The following KIAA1217 variants were observed in gnomAD, a reference collection of about 807,000 sequenced individuals.
KIAA1217 encodes sickle tail protein homolog.
Under a neutral mutation model 163.9 loss-of-function variants are expected in KIAA1217, and 88 were observed. The observed-to-expected ratio is 0.54, with a 90% CI of 0.45 to 0.64. The LOEUF is 0.64. Ranked by LOEUF, KIAA1217 falls within the 30% of genes least tolerant of loss-of-function variation. The pLI is 0.00. For missense variants in KIAA1217, 2,372 were observed against 2,475.0 expected, an observed-to-expected ratio of 0.96 and a Z score of 0.88; for synonymous variants, 903 against 923.1, an observed-to-expected ratio of 0.98 and a Z score of 0.39.
At chr10:23,740,604 C>G (rs1218659920) in intron 1 of KIAA1217, among the ~76,000 whole-genome samples, 1 of 152,082 alleles carries the variant, frequency 6.6e-6, no homozygotes, top group Non-Finnish European at 1.5e-5. Context: ...AAACAGTCCT[C>G]CCATCTTGGC....
chr10:23,991,371 A>G (rs1589197511), intron 1 of KIAA1217, among the ~76,000 whole-genome samples: 1 of 152,180 alleles, frequency 6.6e-6, no homozygotes, highest in South Asian at 2.1e-4. Flanking sequence ...GCACTCAGAT[A>G]TGCATAGCCC....
At chr10:23,864,178 G>A (rs1840078550) in intron 1 of KIAA1217, among the ~76,000 whole-genome samples, 3 of 151,584 alleles carry the variant, frequency 2.0e-5, no homozygotes, top group African/African-American at 4.8e-5. Context: ...AGTAGAGCTG[G>A]GATTTGAGCC....
intron 6 of KIAA1217, among the ~76,000 whole-genome samples, chr10:24,491,444 C>T (rs2066134944): frequency 6.6e-6 from 1 of 151,926 alleles, no homozygotes; most frequent in Admixed American, 6.6e-5. Flanking sequence ...CATGTGCCAC[C>T]ACACCCAGCT....
chr10:24,274,733 A>T (rs1051532994), intron 2 of KIAA1217, among the ~76,000 whole-genome samples: 1 of 152,082 alleles, frequency 6.6e-6, no homozygotes, highest in Non-Finnish European at 1.5e-5. Flanking sequence ...TCCTTATTTT[A>T]CCTGTGTTTT....
At chr10:24,361,996 AAAAAAAAAG>A (rs1226276420) in intron 2 of KIAA1217, among the ~76,000 whole-genome samples, 3 of 151,762 alleles carry the variant, frequency 2.0e-5, no homozygotes, top group Non-Finnish European at 4.4e-5. Context: ...AAAAAAAAAA[AAAAAAAAAG>A]AAAGAAAGAA....
chr10:24,323,861 T>C (rs1244341809), intron 2 of KIAA1217, among the ~76,000 whole-genome samples: 2 of 151,724 alleles, frequency 1.3e-5, no homozygotes, highest in Non-Finnish European at 2.9e-5. Flanking sequence ...TTTTTTTTCG[T>C]ATTTCTTCTT....
intron 3 of KIAA1217, among the ~76,000 whole-genome samples, chr10:24,409,158 A>G (rs1366597051): frequency 6.6e-6 from 1 of 152,174 alleles, no homozygotes; most frequent in East Asian, 1.9e-4. Context: ...TACACCTACA[A>G]AGATTGGCTC....
At chr10:24,280,814 A>T (rs940133708) in intron 2 of KIAA1217, among the ~76,000 whole-genome samples, 5 of 151,824 alleles carry the variant, frequency 3.3e-5, no homozygotes, top group Admixed American at 2.0e-4. Context: ...CGTCTCAAAA[A>T]AAAAAAAAAA....
At chr10:24,486,776 A>C (rs1053991004) in intron 6 of KIAA1217, among the ~76,000 whole-genome samples, 1 of 151,964 alleles carries the variant, frequency 6.6e-6, no homozygotes, top group Non-Finnish European at 1.5e-5. Flanking sequence ...TCTTCTTTCT[A>C]TCTCTCTTCC....
intron 2 of KIAA1217, among the ~76,000 whole-genome samples, chr10:24,145,207 G>T (rs370920152): frequency 1.3e-5 from 2 of 152,110 alleles, no homozygotes; most frequent in Non-Finnish European, 2.9e-5. Flanking sequence ...CATTTCCCGC[G>T]GTCACACAAA....
intron 5 of KIAA1217, among the ~76,000 whole-genome samples, chr10:24,448,116 G>C (rs1376149793): frequency 1.3e-5 from 2 of 151,972 alleles, no homozygotes; most frequent in Admixed American, 1.3e-4. Context: ...GTGACAGAGT[G>C]AGTCTCCACC....
At position 24,233,994 on chromosome 10, in the gene KIAA1217, T is replaced by G. The variant is rs540855728; in HGVS notation, c.354+14085T>G. Among the ~76,000 whole-genome samples, 3 of 152,296 alleles carry G rather than the reference T, an allele frequency of 2.0e-5. No homozygotes were observed. In the East Asian group the frequency reaches 5.8e-4, roughly 29 times the overall value. ...ATTACCAGATGACCTCTTCATTCTG[T>G]TTAGTGTCTGTTAACTTTTTAAAAA... is the stretch of plus-strand genomic sequence containing the variant. On this transcript the variant is annotated intron_variant, in intron 2 of 20. Coordinates refer to ENST00000376454, the MANE Select transcript of KIAA1217 (RefSeq NM_019590.5).
At chr10:24,211,361 CTTTTTTTTTTTTTTT>C (rs1201397959) in intron 1 of KIAA1217, among the ~76,000 whole-genome samples, 1 of 60,208 alleles carries the variant, frequency 1.7e-5, no homozygotes, top group African/African-American at 6.5e-5. Flanking sequence ...GGTGGGACTA[CTTTTTTTTTTTTTTT>C]TTTTTTTTTT....
chr10:24,431,007 G>T lies in KIAA1217; in HGVS notation c.554-1988G>T, dbSNP rs191129027. On this transcript the variant is annotated intron_variant, in intron 3 of 20. Transcript: ENST00000376454. ...GCATTTCTACCTTCAGAAGGGTTGG[G>T]AGCCTCATTTCCTGAGTTTCCCTGG... Among the ~76,000 whole-genome samples, 617 of 152,302 alleles carry T rather than the reference G, an allele frequency of 4.1e-3. 7 individuals carry two copies. The highest frequency in any genetic ancestry group is 0.014 in the African/African-American group (593 of 41,576).
At chr10:24,528,932 A>C (rs1436867820) in intron 14 of KIAA1217, among the ~76,000 whole-genome samples, 1 of 152,202 alleles carries the variant, frequency 6.6e-6, no homozygotes, top group African/African-American at 2.4e-5. Context: ...AAATGCCAAC[A>C]TGTGAATAAT....
chr10:24,216,525 C>T (rs1309582733), intron 1 of KIAA1217, among the ~76,000 whole-genome samples: 1 of 151,972 alleles, frequency 6.6e-6, no homozygotes, highest in Non-Finnish European at 1.5e-5. Context: ...CTTCCAATTC[C>T]ACTTAAAAGT....
intron 5 of KIAA1217, among the ~76,000 whole-genome samples, chr10:24,458,398 T>G (rs2062023347): frequency 6.6e-6 from 1 of 152,178 alleles, no homozygotes; most frequent in South Asian, 2.1e-4. Flanking sequence ...AACATGAACA[T>G]GGCTTGGTCT....
intron 2 of KIAA1217, among the ~76,000 whole-genome samples, chr10:24,180,450 C>A (rs763627220): frequency 1.3e-4 from 20 of 151,928 alleles, no homozygotes; most frequent in Non-Finnish European, 2.5e-4. Flanking sequence ...CTATACCTGG[C>A]TAGTTTTTAT....
intron 2 of KIAA1217, among the ~76,000 whole-genome samples, chr10:24,106,473 CCTA>C (rs1297250053): frequency 1.3e-5 from 2 of 151,516 alleles, no homozygotes; most frequent in Non-Finnish European, 2.9e-5. Flanking sequence ...TCCACTCTAG[CCTA>C]CTAGATTATA....
Sources: allele counts gnomAD v4.1 joint callset (sites outside exome capture counted in the v4.1 genomes callset), GRCh38; gene constraint gnomAD v4.1.1; transcripts MANE v1.5; gene names NCBI Gene and HGNC (gene_info 2026-07-23, HGNC 2026-07-21).